Variants in FBP1 observed in about 807,000 individuals in gnomAD.
FBP1 encodes fructose-bisphosphatase 1, also known as fructose-1,6-bisphosphatase 1.
Under a neutral mutation model 29.9 loss-of-function variants are expected in FBP1, and 22 were observed. The observed-to-expected ratio is 0.74, with a 90% CI of 0.53 to 1.05. FBP1 has a LOEUF of 1.05. FBP1 is among the 50% of genes least tolerant of loss of function. The pLI, the probability that FBP1 is intolerant of heterozygous loss-of-function variation, is 0.00. For synonymous variants in FBP1, 175 were observed against 178.6 expected, an observed-to-expected ratio of 0.98 and a Z score of 0.16; for missense variants, 345 against 448.2, an observed-to-expected ratio of 0.77 and a Z score of 2.08.
intron 1 of FBP1, among the ~76,000 whole-genome samples, chr9:94,638,104 GAAAAGAA>G (rs1563991021): frequency 1.4e-5 from 1 of 73,318 alleles, no homozygotes; most frequent in Non-Finnish European, 3.7e-5. Context: ...AAAAAAAAAA[GAAAAGAA>G]AAAGAAAATA....
intron 4 of FBP1, among the ~76,000 whole-genome samples, chr9:94,609,397 A>G (rs78772662): frequency 6.6e-6 from 1 of 152,332 alleles, no homozygotes; most frequent in African/African-American, 2.4e-5. Context: ...CAAACAGAAT[A>G]TCTACAGCCC....
At position 94,612,549 on chromosome 9, in the gene FBP1, ATT is replaced by A. The variant is rs561246840; in HGVS notation, c.427-2490_427-2489del. ...GAATTCTTTTCTAGCCCAGCCCCCA[ATT>A]TTTTTTTTTTTTTTTTTTTTTTTGG... On this transcript the variant is annotated intron_variant, in intron 3 of 6. Coordinates refer to ENST00000375326, the MANE Select transcript of FBP1 (RefSeq NM_000507.4). 1.9e-3 allele frequency among the ~76,000 whole-genome samples: 205 copies of A among 108,020 alleles called. 2 individuals are homozygous for A. The highest frequency in any genetic ancestry group is 5.7e-3 in the African/African-American group (165 of 29,040). The allele number at this position is 108,020 out of a possible 152,430, so 70.9% of individuals were successfully genotyped here. A position where few individuals can be genotyped will look rare whatever the true frequency, so the allele number is the denominator to read the frequency against.
chr9:94,624,105 G>C (rs555100777), intron 1 of FBP1, among the ~76,000 whole-genome samples: 2 of 151,922 alleles, frequency 1.3e-5, no homozygotes. Flanking sequence ...GGAGGCCGAG[G>C]TGGGTGGATC....
In FBP1 at chr9:94,634,827, T is replaced by G. The variant is rs28402391; in HGVS notation, c.170+4314A>C. Among the ~76,000 whole-genome samples, 1,431 of 152,254 alleles carry G rather than the reference T, an allele frequency of 9.4e-3. 25 individuals carry two copies. Among genetic ancestry groups the G allele is most frequent in the African/African-American group, 0.033 (1,373 of 41,542 alleles). ...AATACAAAAATTAGGCCGGGCGCAGTGGCTCACACTTCTAATCCCAGCACT... is the reference window on the plus strand; with the variant it reads ...AATACAAAAATTAGGCCGGGCGCAGGGGCTCACACTTCTAATCCCAGCACT... On this transcript the variant is annotated intron_variant, in intron 1 of 6. Transcript: ENST00000375326.
At chr9:94,626,747 C>T (rs908007326) in intron 1 of FBP1, among the ~76,000 whole-genome samples, 1 of 152,132 alleles carries the variant, frequency 6.6e-6, no homozygotes. Flanking sequence ...TTTTCAGAAG[C>T]CCCCTTAGAA....
intron 1 of FBP1, among the ~76,000 whole-genome samples, chr9:94,622,103 G>A (rs571026796): frequency 1.3e-5 from 2 of 152,172 alleles, no homozygotes; most frequent in East Asian, 3.9e-4. Context: ...GAAGTTGCAG[G>A]GATCCTGGAG....
chr9:94,620,468 T>G lies in FBP1; in HGVS notation c.194A>C (p.Asn65Thr), dbSNP rs747766492. The G allele has an allele frequency of 8.1e-6, 13 of 1,614,186 alleles. No individual in the cohort carries two copies. The highest frequency in any genetic ancestry group is 1.1e-5 in the Non-Finnish European group (13 of 1,180,026). ...AHLYGIAGSTNVTGDQVKKLD... is the reference protein window; with the variant it reads ...AHLYGIAGSTTVTGDQVKKLD... ...CTTCTTAACTTGATCACCTGTCACG[T>G]TGGTAGAACCAGCAATGCCATAGCT... Residue 65 changes from asparagine to threonine, a missense_variant, in exon 2 of 7, where the codon AAC becomes ACC. Physicochemically the swap from Asn to Thr is moderately conservative, Grantham distance 65. Transcript: ENST00000375326.
Position 94,620,491 on chromosome 9 carries a change from G to A in FBP1, c.171C>T (p.Leu57=). 1 of 1,614,012 alleles carries A rather than the reference G, an allele frequency of 6.2e-7. No homozygotes were observed. Residue 57 remains leucine, a splice_region_variant and synonymous_variant, in exon 2 of 7, where the codon CTC becomes CTT. Coordinates refer to ENST00000375326, the MANE Select transcript of FBP1 (RefSeq NM_000507.4). ...CGTTGGTAGAACCAGCAATGCCATA[G>A]CTACAGGGAACAAAAGCCACAAAAA... ...SAVRKAGIAH[L]YGIAGSTNVT...
intron 3 of FBP1, among the ~76,000 whole-genome samples, chr9:94,613,930 A>G (rs923028934): frequency 6.7e-6 from 1 of 149,870 alleles, no homozygotes; most frequent in Admixed American, 6.6e-5. Context: ...ATACAAAAAA[A>G]ATTAGCCAAG....
At chr9:94,634,147 T>A (rs1587868154) in intron 1 of FBP1, among the ~76,000 whole-genome samples, 1 of 150,506 alleles carries the variant, frequency 6.6e-6, no homozygotes, top group African/African-American at 2.4e-5. Context: ...TACAAAAAAA[T>A]TAGCTGGGCT....
chr9:94,631,931 G>A (rs184589683), intron 1 of FBP1, among the ~76,000 whole-genome samples: 3 of 152,044 alleles, frequency 2.0e-5, no homozygotes, highest in African/African-American at 7.2e-5. Flanking sequence ...TGCATTCACC[G>A]GGGCCTAAAC....
chr9:94,628,249 G>C (rs1828052559), intron 1 of FBP1, among the ~76,000 whole-genome samples: 1 of 152,078 alleles, frequency 6.6e-6, no homozygotes, highest in Non-Finnish European at 1.5e-5. Context: ...AGCCAGGTGT[G>C]GTGGCACATG....
At chr9:94,613,077 G>A (rs1001368396) in intron 3 of FBP1, among the ~76,000 whole-genome samples, 4 of 152,166 alleles carry the variant, frequency 2.6e-5, no homozygotes, top group African/African-American at 9.7e-5. Context: ...GCACAGAAAC[G>A]GAGGGCCTGG....
At chr9:94,630,865 G>T (rs1828095322) in intron 1 of FBP1, among the ~76,000 whole-genome samples, 1 of 152,096 alleles carries the variant, frequency 6.6e-6, no homozygotes, top group South Asian at 2.1e-4. Context: ...AATGCGCGCG[G>T]TGCACCTGGT....
intron 4 of FBP1, among the ~76,000 whole-genome samples, chr9:94,607,348 G>A (rs755624740): frequency 8.5e-5 from 13 of 152,210 alleles, no homozygotes; most frequent in African/African-American, 2.9e-4. Context: ...TGGTTCAGGC[G>A]GGAGGTGGGC....
At chr9:94,610,140 C>A in intron 3 of FBP1, 79 bp from the exon 4 acceptor site, 1 of 1,448,510 alleles carries the variant, frequency 6.9e-7, no homozygotes, top group African/African-American at 1.4e-5. Flanking sequence ...TAACAGGAGG[C>A]ATTCTCAAGG....
At chr9:94,623,283 C>T (rs897227433) in intron 1 of FBP1, among the ~76,000 whole-genome samples, 2 of 152,190 alleles carry the variant, frequency 1.3e-5, no homozygotes, top group Non-Finnish European at 2.9e-5. Flanking sequence ...CCGTGCCCAG[C>T]CCACTGTCAA....
rs564297451 is a variant in FBP1 at position 94,613,889 on chromosome 9, AAC to A, written c.427-3830_427-3829del. ...TCAGGAGATTGCCACCATCCTGGCT[AAC>A]ACACGGTGAAACCCCGTCTCTACTA... On this transcript the variant is annotated intron_variant, in intron 3 of 6. Transcript: ENST00000375326. 4.2e-4 allele frequency among the ~76,000 whole-genome samples: 63 copies of A among 151,412 alleles called. 1 individual carries two copies. In the South Asian group the frequency reaches 0.012, roughly 29 times the overall value.
chr9:94,603,894 T>C (rs2131470190), intron 6 of FBP1: 1 of 378,306 alleles, frequency 2.6e-6, no homozygotes, highest in South Asian at 2.2e-5. Flanking sequence ...CTTTATACCA[T>C]GGAAACTGGA....
Sources: allele counts gnomAD v4.1 joint callset (sites outside exome capture counted in the v4.1 genomes callset), GRCh38; gene constraint gnomAD v4.1.1; transcripts MANE v1.5; gene names NCBI Gene and HGNC (gene_info 2026-07-23, HGNC 2026-07-21).